The following SUPT3H variants were observed in gnomAD, a reference collection of about 807,000 sequenced individuals.
The protein encoded by SUPT3H is SPT3 homolog, SAGA and STAGA complex component.
Under a neutral mutation model 44.3 loss-of-function variants are expected in SUPT3H, and 44 were observed. The observed-to-expected ratio is 0.99, with a 90% confidence interval of 0.78 to 1.28. The LOEUF is 1.28. Ranked by LOEUF, SUPT3H falls within the 50% of genes most tolerant of loss-of-function variation. The pLI is 0.00. For synonymous variants in SUPT3H, 124 were observed against 125.6 expected, an observed-to-expected ratio of 0.99 and a Z score of 0.09; for missense variants, 380 against 387.1, an observed-to-expected ratio of 0.98 and a Z score of 0.15.
chr6:45,021,567 C>G (rs1562279561), intron 3 of SUPT3H, among the ~76,000 whole-genome samples: 1 of 151,852 alleles, frequency 6.6e-6, no homozygotes, highest in Non-Finnish European at 1.5e-5. Context: ...CCAAGTCTAT[C>G]CAATATGAAA....
At chr6:45,023,640 G>A (rs1028869958) in intron 3 of SUPT3H, among the ~76,000 whole-genome samples, 13 of 152,026 alleles carry the variant, frequency 8.6e-5, no homozygotes, top group African/African-American at 1.7e-4. Context: ...GGATGGAGTC[G>A]GAGGCTAACT....
At chr6:44,809,295 T>G (rs1766356218), downstream of SUPT3H, 1 of 152,258 alleles carries the variant, frequency 6.6e-6, no homozygotes, top group African/African-American at 2.4e-5. Flanking sequence ...GGACTTTCCT[T>G]TCCACTGACA....
chr6:44,901,174 A>G (rs1009294009), intron 10 of SUPT3H, among the ~76,000 whole-genome samples: 1 of 152,230 alleles, frequency 6.6e-6, no homozygotes, highest in African/African-American at 2.4e-5. Flanking sequence ...CTGGATGGAG[A>G]ATGACTTTGA....
rs1216820827 is a variant in SUPT3H at position 45,067,605 on chromosome 6, A to T, written c.186+38317T>A. ...TATTCAGAATCTACAATGAACTCAA[A>T]CAAATTTACAAGAAAAAAAAAACAA... On this transcript the variant is annotated intron_variant, in intron 3 of 10. Transcript: ENST00000371459. Among the ~76,000 whole-genome samples, 3 of 151,594 alleles carry T rather than the reference A, an allele frequency of 2.0e-5. No homozygotes were observed. The East Asian group carries it at 5.8e-4, about 29-fold the overall frequency.
At chr6:45,208,737 ACAAAC>A (rs1562693839) in intron 2 of SUPT3H, among the ~76,000 whole-genome samples, 2 of 43,756 alleles carry the variant, frequency 4.6e-5, no homozygotes, top group Admixed American at 1.6e-4. Context: ...AAAAAAAAAA[ACAAAC>A]AAAAAAATTC....
intron 2 of SUPT3H, among the ~76,000 whole-genome samples, chr6:45,224,168 T>C (rs927627066): frequency 6.6e-6 from 1 of 151,666 alleles, no homozygotes; most frequent in African/African-American, 2.4e-5. Flanking sequence ...GTAAATGTCA[T>C]TAAAACTAAT....
At position 45,014,896 on chromosome 6, in the gene SUPT3H, T is replaced by C; in HGVS notation, c.274-5A>G. On this transcript the variant is annotated splice_polypyrimidine_tract_variant and splice_region_variant and intron_variant, in intron 4 of 10. Coordinates refer to ENST00000371459, the MANE Select transcript of SUPT3H (RefSeq NM_003599.4). ...TAGCAGTCTTCTAAGTTTTTTCTAT[T>C]AAAAATATAAAATAAGTAAATAAGA... The C allele has an allele frequency of 6.8e-7, 1 of 1,475,226 alleles. No homozygotes were observed. The highest frequency in any genetic ancestry group is 9.1e-7 in the Non-Finnish European group (1 of 1,103,386). The allele number at this position is 1,475,226 out of a possible 1,614,324, so 91.4% of individuals were successfully genotyped here.
intron 10 of SUPT3H, among the ~76,000 whole-genome samples, chr6:44,844,368 G>A (rs576500762): frequency 2.0e-5 from 3 of 152,112 alleles, no homozygotes; most frequent in South Asian, 2.1e-4. Flanking sequence ...AAAAAAGATC[G>A]ATAAATCAGA....
intron 3 of SUPT3H, among the ~76,000 whole-genome samples, chr6:45,090,593 C>T (rs1305681339): frequency 6.6e-6 from 1 of 151,510 alleles, no homozygotes; most frequent in African/African-American, 2.4e-5. Flanking sequence ...AATACTTTTG[C>T]TTTTAGTGAA....
intron 9 of SUPT3H, among the ~76,000 whole-genome samples, chr6:44,941,578 A>G (rs1188333161): frequency 6.6e-6 from 1 of 152,192 alleles, no homozygotes; most frequent in Non-Finnish European, 1.5e-5. Flanking sequence ...AAGGTGTTTA[A>G]GGAAAAAATA....
intron 2 of SUPT3H, among the ~76,000 whole-genome samples, chr6:45,315,922 C>CAGATAGATAGATAGATAGATAGAT (rs59633405): frequency 2.7e-5 from 4 of 145,476 alleles, no homozygotes; most frequent in African/African-American, 7.7e-5. Flanking sequence ...CTCAGATAGA[C>CAGATAGATAGATAGATAGATAGAT]AGATAGATAG....
chr6:44,994,975 T>G (rs2153501020), intron 6 of SUPT3H, among the ~76,000 whole-genome samples: 1 of 152,146 alleles, frequency 6.6e-6, no homozygotes, highest in East Asian at 1.9e-4. Context: ...TGCAAAAATA[T>G]TAACTGTTTT....
chr6:44,813,484 C>G (rs1766679355), intron 11 of SUPT3H, among the ~76,000 whole-genome samples: 1 of 151,764 alleles, frequency 6.6e-6, no homozygotes, highest in African/African-American at 2.4e-5. Flanking sequence ...GCCAGTGTGC[C>G]CAGCCCAGAG....
chr6:44,870,433 C>A (rs371499723), intron 10 of SUPT3H, among the ~76,000 whole-genome samples: 42 of 151,638 alleles, frequency 2.8e-4, no homozygotes, highest in Non-Finnish European at 4.3e-4. Context: ...TCCATCTCTA[C>A]GAAAAATACA....
At position 45,057,749 on chromosome 6, in the gene SUPT3H, G is replaced by A. The variant is rs117388487; in HGVS notation, c.187-37117C>T. Among the ~76,000 whole-genome samples the A allele has an allele frequency of 9.2e-5, 14 of 152,240 alleles. No individual in the cohort carries two copies. The East Asian group carries it at 2.7e-3, about 29-fold the overall frequency. On this transcript the variant is annotated intron_variant, in intron 3 of 10. Coordinates refer to ENST00000371459, the MANE Select transcript of SUPT3H (RefSeq NM_003599.4). ...TTTAATTATTGGGTCTGTGAACAGA[G>A]GCAGTTACTTTGAAAACCTGGATTT...
chr6:45,069,389 A>G (rs908238890), intron 3 of SUPT3H, among the ~76,000 whole-genome samples: 2 of 152,192 alleles, frequency 1.3e-5, no homozygotes, highest in South Asian at 2.1e-4. Flanking sequence ...TGAAATCTGG[A>G]TATCATCACC....
chr6:45,155,997 T>A (rs1807755907), intron 2 of SUPT3H, among the ~76,000 whole-genome samples: 1 of 152,222 alleles, frequency 6.6e-6, no homozygotes, highest in East Asian at 1.9e-4. Context: ...CCAAACTCAT[T>A]ACCTCTTAGA....
chr6:45,251,131 T>C (rs1772300007), intron 2 of SUPT3H: 1 of 152,022 alleles, frequency 6.6e-6, no homozygotes. Context: ...ACAGCAACAA[T>C]ACGAGCTAGA....
At chr6:45,332,297 T>C (rs1479891060) in intron 2 of SUPT3H, among the ~76,000 whole-genome samples, 1 of 151,792 alleles carries the variant, frequency 6.6e-6, no homozygotes, top group Non-Finnish European at 1.5e-5. Context: ...TTTTATACTG[T>C]ACTTCTTTGT....
Sources: allele counts gnomAD v4.1 joint callset (sites outside exome capture counted in the v4.1 genomes callset), GRCh38; gene constraint gnomAD v4.1.1; transcripts MANE v1.5; gene names NCBI Gene and HGNC (gene_info 2026-07-23, HGNC 2026-07-21).